Variants in EIF4G3 observed in about 807,000 individuals in gnomAD.
EIF4G3 encodes eIF-4-gamma 3.
In EIF4G3, 34 loss-of-function variants were observed where a neutral mutation model predicts 186.4. The ratio of observed to expected loss-of-function variants is 0.18; its 90% CI spans 0.14 to 0.24. EIF4G3 has a LOEUF of 0.24. Among genes scored for constraint, EIF4G3 ranks in the 10% least tolerant of loss-of-function variants. The pLI is 1.00. For missense variants in EIF4G3, 1,536 were observed against 1,948.5 expected (o/e 0.79, Z 3.99); for synonymous variants, 673 against 679.5 (o/e 0.99, Z 0.15).
intron 7 of EIF4G3, among the ~76,000 whole-genome samples, chr1:20,996,687 C>G (rs977078014): frequency 1.3e-5 from 2 of 152,224 alleles, no homozygotes; most frequent in African/African-American, 2.4e-5. Context: ...TTACCACTTA[C>G]TGACTGCTTG....
intron 16 of EIF4G3, among the ~76,000 whole-genome samples, chr1:20,897,849 GT>G (rs1197950466): frequency 6.6e-6 from 1 of 151,690 alleles, no homozygotes; most frequent in Non-Finnish European, 1.5e-5. Flanking sequence ...GGCCTATACT[GT>G]AAAACTGATG....
At chr1:20,968,367 A>C (rs1184214539) in intron 12 of EIF4G3, among the ~76,000 whole-genome samples, 1 of 152,084 alleles carries the variant, frequency 6.6e-6, no homozygotes, top group African/African-American at 2.4e-5. Context: ...TTTAGTACAG[A>C]TGGGGTTTCA....
chr1:20,935,845 C>A (rs2095501043), intron 14 of EIF4G3, among the ~76,000 whole-genome samples: 1 of 152,160 alleles, frequency 6.6e-6, no homozygotes, highest in Non-Finnish European at 1.5e-5. Context: ...TGAGGGAGCA[C>A]AGCTCTAGGC....
At chr1:21,155,603 GGAGAATTGCTT>G (rs1377936885) in intron 2 of EIF4G3, among the ~76,000 whole-genome samples, 4 of 151,996 alleles carry the variant, frequency 2.6e-5, no homozygotes, top group Admixed American at 2.6e-4. Context: ...GGCTAATGCG[GGAGAATTGCTT>G]GAGCCCAGGA....
At chr1:20,813,827 C>T (rs1557732614) in intron 34 of EIF4G3, among the ~76,000 whole-genome samples, 3 of 150,806 alleles carry the variant, frequency 2.0e-5, no homozygotes, top group Non-Finnish European at 4.4e-5. Flanking sequence ...GACTGGGCGA[C>T]AAGTGCAAAA....
At chr1:21,033,456 TA>T (rs921182680) in intron 4 of EIF4G3, among the ~76,000 whole-genome samples, 114 of 144,430 alleles carry the variant, frequency 7.9e-4, no homozygotes, top group Admixed American at 7.6e-4. Flanking sequence ...ATTCTGAACT[TA>T]AAAAAAAAAA....
chr1:21,042,074 C>A (rs1292205631), intron 4 of EIF4G3, among the ~76,000 whole-genome samples: 2 of 151,608 alleles, frequency 1.3e-5, no homozygotes, highest in African/African-American at 4.8e-5. Flanking sequence ...GCAGCCTTGA[C>A]CTTCTGGACT....
intron 2 of EIF4G3, among the ~76,000 whole-genome samples, chr1:21,135,248 C>G (rs991500236): frequency 6.6e-6 from 1 of 152,190 alleles, no homozygotes; most frequent in Admixed American, 6.5e-5. Flanking sequence ...GCCTGTAATC[C>G]CAGCACTTCG....
intron 2 of EIF4G3, among the ~76,000 whole-genome samples, chr1:21,167,172 C>T (rs1438964067): frequency 6.6e-6 from 1 of 152,142 alleles, no homozygotes; most frequent in Non-Finnish European, 1.5e-5. Context: ...CTTCAAGGTT[C>T]AGTCCTTTCC....
intron 3 of EIF4G3, among the ~76,000 whole-genome samples, chr1:21,053,774 T>A (rs1211136471): frequency 1.6e-4 from 23 of 143,418 alleles, no homozygotes; most frequent in Non-Finnish European, 2.3e-4. Context: ...GAGGGGCACC[T>A]CTGCCCGGCT....
At chr1:21,053,781 G>A (rs1421833108) in intron 3 of EIF4G3, among the ~76,000 whole-genome samples, 6 of 146,178 alleles carry the variant, frequency 4.1e-5, no homozygotes, top group African/African-American at 1.3e-4. Context: ...ACCTCTGCCC[G>A]GCTGCCCCTA....
chr1:20,872,356 G>C (rs923521325), intron 20 of EIF4G3, among the ~76,000 whole-genome samples: 1 of 151,768 alleles, frequency 6.6e-6, no homozygotes, highest in Non-Finnish European at 1.5e-5. Flanking sequence ...CAACTCCTAG[G>C]CTCAAGTGAT....
intron 14 of EIF4G3, among the ~76,000 whole-genome samples, chr1:20,924,912 T>C (rs1029617421): frequency 1.3e-5 from 2 of 152,258 alleles, no homozygotes; most frequent in African/African-American, 4.8e-5. Context: ...GCAAAATTTA[T>C]AATTAAACTT....
intron 16 of EIF4G3, among the ~76,000 whole-genome samples, chr1:20,898,204 G>A (rs1178875375): frequency 6.6e-6 from 1 of 152,050 alleles, no homozygotes; most frequent in Non-Finnish European, 1.5e-5. Flanking sequence ...GGTAGTGAAA[G>A]ATCAGTATAT....
At chr1:21,109,966 G>A (rs1347635152) in intron 2 of EIF4G3, among the ~76,000 whole-genome samples, 1 of 151,968 alleles carries the variant, frequency 6.6e-6, no homozygotes, top group Non-Finnish European at 1.5e-5. Flanking sequence ...TGTATTTTGG[G>A]TAGAGATGGA....
At chr1:20,860,261 A>G in intron 24 of EIF4G3, 124 bp downstream of exon 24, 1 of 1,335,660 alleles carries the variant, frequency 7.5e-7, no homozygotes, top group Non-Finnish European at 1.0e-6. Flanking sequence ...TGCTTCACCT[A>G]ACAATCACCA....
Position 21,081,798 on chromosome 1 carries a change from T to C in EIF4G3, c.-196+7340A>G, listed in dbSNP as rs190315390. On this transcript the variant is annotated intron_variant, in intron 3 of 36. Coordinates refer to ENST00000602326, the MANE Select transcript of EIF4G3 (RefSeq NM_001391906.1). Reference sequence around the variant, plus strand: ...CTGGGATTACTGGCTCACGCCACCATACCCAGCTAATTTTTTGTATTTTTA... The same window carrying C: ...CTGGGATTACTGGCTCACGCCACCACACCCAGCTAATTTTTTGTATTTTTA... Among the ~76,000 whole-genome samples, 755 of 152,066 alleles carry C rather than the reference T, an allele frequency of 5.0e-3. 6 individuals are homozygous for C. Among genetic ancestry groups the C allele is most frequent in the African/African-American group, 0.017 (719 of 41,494 alleles).
At chr1:20,987,582 C>T (rs1311717694) in intron 7 of EIF4G3, among the ~76,000 whole-genome samples, 5 of 152,020 alleles carry the variant, frequency 3.3e-5, no homozygotes, top group African/African-American at 1.2e-4. Flanking sequence ...TGATCACTGA[C>T]CTTTTATGTT....
chr1:20,883,260 C>G (rs1308355139), intron 19 of EIF4G3, among the ~76,000 whole-genome samples: 2 of 151,794 alleles, frequency 1.3e-5, no homozygotes. Context: ...TGATTAGAGA[C>G]CAGAAAGGGG....
Sources: gnomAD v4.1 joint callset for allele counts (sites outside exome capture counted in the v4.1 genomes callset) on GRCh38, gnomAD v4.1.1 for gene constraint, MANE v1.5 for transcripts, NCBI Gene and HGNC (gene_info 2026-07-23, HGNC 2026-07-21) for gene names.